The following MYO1F variants were observed in gnomAD, a reference collection of about 807,000 sequenced individuals.
MYO1F encodes the protein myosin IF, also known as unconventional myosin-If.
In MYO1F, 60 loss-of-function variants were observed where a neutral mutation model predicts 146.6. The observed-to-expected ratio is 0.41, with a 90% confidence interval of 0.33 to 0.51. The LOEUF (loss-of-function observed/expected upper bound fraction) is 0.51, where lower values mean the gene tolerates loss of function less well. Ranked by LOEUF, MYO1F falls within the 20% of genes least tolerant of loss-of-function variation. MYO1F has a pLI of 0.25. For missense variants in MYO1F, 1,274 were observed against 1,534.3 expected (o/e 0.83, Z 2.83); for synonymous variants, 602 against 602.1 (o/e 1.00, Z 0.00).
intron 19 of MYO1F, among the ~76,000 whole-genome samples, chr19:8,533,520 A>G (rs1270432600): frequency 6.6e-6 from 1 of 151,666 alleles, no homozygotes. Context: ...ATGCCTGGCT[A>G]ACTTTTTTGT....
At chr19:8,538,564 G>A (rs1053398189) in intron 16 of MYO1F, among the ~76,000 whole-genome samples, 4 of 151,136 alleles carry the variant, frequency 2.6e-5, no homozygotes, top group African/African-American at 9.7e-5. Context: ...TTACAGGTGT[G>A]AGCCATTGCT....
At position 8,548,103 on chromosome 19, in the gene MYO1F, A is replaced by C. The variant is rs771632270; in HGVS notation, c.1202T>G (p.Phe401Cys). ...EIFQKNGFEQ[F>C]CINFVNEKLQ... ...CTTCTCATTGACGAAGTTGATGCAAAACTGCTCGAAGCCATTTTTCTGCAG... is the reference window on the plus strand; with the variant it reads ...CTTCTCATTGACGAAGTTGATGCAACACTGCTCGAAGCCATTTTTCTGCAG... The change falls in exon 12 of 28, where the codon TTT becomes TGT. Residue 401 changes from phenylalanine to cysteine, a missense_variant. Physicochemically the swap from Phe to Cys is radical, Grantham distance 205. This residue lies in a region of MYO1F where 900 missense variants were observed against 1,155.1 expected (regional missense o/e 0.78). Transcript: ENST00000644032. 5 of 1,613,942 alleles carry C rather than the reference A, an allele frequency of 3.1e-6. No homozygotes were observed. The highest frequency in any genetic ancestry group is 4.2e-6 in the Non-Finnish European group (5 of 1,179,994).
chr19:8,530,524 C>G lies in MYO1F; in HGVS notation c.2093G>C (p.Arg698Pro). 1 of 1,613,552 alleles carries G rather than the reference C, an allele frequency of 6.2e-7. No homozygotes were observed. The highest frequency in any genetic ancestry group is 1.1e-5 in the South Asian group (1 of 91,078). The change falls in exon 20 of 28, where the codon CGA becomes CCA. Residue 698 changes from arginine to proline, a missense_variant. By Grantham distance (103) the Arg-to-Pro change is moderately radical. Around this residue, in one of 2 missense-constraint regions of MYO1F, gnomAD observed 900 missense variants for 1,155.1 expected, o/e 0.78. Coordinates refer to ENST00000644032, the MANE Select transcript of MYO1F (RefSeq NM_012335.4). This position sits in a 1 kb window ranked among gnomAD's most constrained non-coding sequence, Gnocchi z 5.8. ...VRERKFDGFA[R>P]TIQKAWRRHV... The stretch of plus-strand genomic sequence containing the variant: ...GCGCCGCCAGGCCTTCTGGATGGTT[C>G]GGGCAAAGCCATCGAACTTTCGCTC...
At chr19:8,547,011 C>T (rs1238393858) in intron 12 of MYO1F, among the ~76,000 whole-genome samples, 1 of 152,076 alleles carries the variant, frequency 6.6e-6, no homozygotes, top group Admixed American at 6.6e-5. Context: ...AAATCCCTGT[C>T]TCAGGACTGG....
chr19:8,553,918 TCTCTCG>T (rs1458811876), intron 4 of MYO1F, among the ~76,000 whole-genome samples: 3 of 145,080 alleles, frequency 2.1e-5, no homozygotes, highest in African/African-American at 7.4e-5. Flanking sequence ...TCTCTCTCTC[TCTCTCG>T]CTCTCTTTCT....
chr19:8,528,539 ACAAAAGAG>A (rs1314446778), intron 21 of MYO1F, among the ~76,000 whole-genome samples: 1 of 152,166 alleles, frequency 6.6e-6, no homozygotes, highest in Non-Finnish European at 1.5e-5. Flanking sequence ...ACACACACAC[ACAAAAGAG>A]CAAAACTCTG....
intron 19 of MYO1F, among the ~76,000 whole-genome samples, chr19:8,531,706 T>C (rs1019040355): frequency 1.3e-5 from 2 of 152,220 alleles, no homozygotes; most frequent in African/African-American, 4.8e-5. Context: ...CAAGAAACGG[T>C]ATGATGTCAC....
chr19:8,553,345 C>T lies in MYO1F; in HGVS notation c.414+5G>A. 1 of 1,614,048 alleles carries T rather than the reference C, an allele frequency of 6.2e-7. No homozygotes were observed. The highest frequency in any genetic ancestry group is 8.5e-7 in the Non-Finnish European group (1 of 1,179,988). On this transcript the variant is annotated splice_donor_5th_base_variant and intron_variant, in intron 5 of 27. Coordinates refer to ENST00000644032, the MANE Select transcript of MYO1F (RefSeq NM_012335.4). ...CAGCTTATCCTTCTGTTTTCCTCGT[C>T]TCACCTGGACCTTCTCGCCTCCGCC...
chr19:8,555,501 C>A, intron 2 of MYO1F, 158 bp downstream of exon 2: 1 of 1,003,404 alleles, frequency 1.0e-6, no homozygotes, highest in Non-Finnish European at 1.5e-6. Context: ...ACAGCTGCCC[C>A]CAACCAGAGC....
At chr19:8,561,463 T>TTCCTCCCTCTCTCC in intron 1 of MYO1F, among the ~76,000 whole-genome samples, 1 of 124,586 alleles carries the variant, frequency 8.0e-6, no homozygotes, top group African/African-American at 3.3e-5. Context: ...TCTCTCCCTC[T>TTCCTCCCTCTCTCC]CTCTCTCTTT....
At chr19:8,539,796 T>C in intron 16 of MYO1F, 151 bp downstream of exon 16, 1 of 662,242 alleles carries the variant, frequency 1.5e-6, no homozygotes, top group Non-Finnish European at 2.6e-6. Context: ...AGGAAGACCC[T>C]GCTGAACAGA....
intron 13 of MYO1F, among the ~76,000 whole-genome samples, chr19:8,545,032 C>T (rs1973281766): frequency 6.6e-6 from 1 of 152,178 alleles, no homozygotes; most frequent in Non-Finnish European, 1.5e-5. Flanking sequence ...CCTGCCTTGG[C>T]CTCCCAAAGT....
chr19:8,536,426 G>A, intron 18 of MYO1F, 30 bp from the exon 19 acceptor site: 1 of 1,608,048 alleles, frequency 6.2e-7, no homozygotes. Flanking sequence ...GTGTGGGAGT[G>A]CTCATAGCAG....
chr19:8,564,810 T>C (rs1160386329), intron 1 of MYO1F, among the ~76,000 whole-genome samples: 1 of 151,514 alleles, frequency 6.6e-6, no homozygotes, highest in Admixed American at 6.6e-5. Flanking sequence ...TCTCGCTCTG[T>C]CACCCAGGCT....
intron 12 of MYO1F, among the ~76,000 whole-genome samples, chr19:8,546,030 G>A (rs559263239): frequency 3.4e-5 from 5 of 148,998 alleles, no homozygotes; most frequent in African/African-American, 5.0e-5. Flanking sequence ...ACAGCATAAC[G>A]TGCTCATTAA....
chr19:8,530,495 C>T lies in MYO1F; in HGVS notation c.2122G>A (p.Val708Met), dbSNP rs749484151. Residue 708 changes from valine (V) to methionine (M), a missense_variant, in exon 20 of 28, where the codon GTG (valine) becomes ATG (methionine). By Grantham distance (21) the Val-to-Met change is conservative. This residue lies in a region of MYO1F where 900 missense variants were observed against 1,155.1 expected (regional missense o/e 0.78). Transcript: ENST00000644032. The surrounding 1 kb of genome is among the most constrained non-coding windows in gnomAD (Gnocchi z 5.8). ...ATCTCCTCGTACTTCCGGACAGCCA[C>T]GTGGCGCCGCCAGGCCTTCTGGATG... is the stretch of plus-strand genomic sequence containing the variant. ...RTIQKAWRRH[V>M]AVRKYEEMRE... is the part of the protein sequence containing the mutation. The T allele has an allele frequency of 6.8e-6, 11 of 1,613,648 alleles. No homozygotes were observed. In the Admixed American group the frequency reaches 8.3e-5, roughly 12 times the overall value.
At chr19:8,541,847 C>A in intron 15 of MYO1F, 59 bp downstream of exon 15, 1 of 1,499,486 alleles carries the variant, frequency 6.7e-7, no homozygotes, top group South Asian at 1.1e-5. Context: ...GGGGCCCGGT[C>A]CTCCCTCCAT....
At chr19:8,549,507 T>G (rs1973513428) in intron 10 of MYO1F, 1 of 151,930 alleles carries the variant, frequency 6.6e-6, no homozygotes, top group African/African-American at 2.4e-5. Flanking sequence ...AAAAAAGTTT[T>G]TATTTTATTT....
chr19:8,530,087 A>G lies in MYO1F; in HGVS notation c.2328+109T>C. On this transcript the variant is annotated intron_variant, in intron 21 of 27. Coordinates refer to ENST00000644032, the MANE Select transcript of MYO1F (RefSeq NM_012335.4). The surrounding 1 kb of genome is among the most constrained non-coding windows in gnomAD (Gnocchi z 5.8). ...GGTGAGGGTGTACCTGTGATGGAAC[A>G]GATGGATCTAGGCTGGGGGATATCT... 1 of 1,457,864 alleles carries G rather than the reference A, an allele frequency of 6.9e-7. No individual in the cohort carries two copies. Among genetic ancestry groups the G allele is most frequent in the Non-Finnish European group, 9.6e-7 (1 of 1,045,002 alleles). The allele number at this position is 1,457,864 out of a possible 1,614,324, so 90.3% of individuals were successfully genotyped here. A position where few individuals can be genotyped will look rare whatever the true frequency, so the allele number is the denominator to read the frequency against.
Sources: gnomAD v4.1 joint callset for allele counts (sites outside exome capture counted in the v4.1 genomes callset) on GRCh38, gnomAD v4.1.1 for gene constraint, gnomAD v4.1.1 regional missense constraint, Gnocchi (gnomAD v3.1) non-coding constraint, MANE v1.5 for transcripts, NCBI Gene and HGNC (gene_info 2026-07-23, HGNC 2026-07-21) for gene names.